Variants in ST6GALNAC1 observed in about 807,000 individuals in gnomAD.
The protein encoded by ST6GALNAC1 is ST6 N-acetylgalactosaminide alpha-2,6-sialyltransferase 1, also known as alpha-N-acetylgalactosaminide alpha-2,6-sialyltransferase 1.
Under a neutral mutation model 56.8 loss-of-function variants are expected in ST6GALNAC1, and 45 were observed. The observed-to-expected ratio is 0.79, with a 90% CI of 0.62 to 1.02. The LOEUF is 1.02. Ranked by LOEUF, ST6GALNAC1 falls within the 50% of genes least tolerant of loss-of-function variation. ST6GALNAC1 has a pLI of 0.00. For synonymous variants in ST6GALNAC1, 295 were observed against 297.8 expected (o/e 0.99, Z 0.10); for missense variants, 743 against 754.8 (o/e 0.98, Z 0.18).
chr17:76,626,951 C>T, intron 4 of ST6GALNAC1, 116 bp downstream of exon 4: 1 of 1,450,622 alleles, frequency 6.9e-7, no homozygotes, highest in Non-Finnish European at 9.3e-7. Context: ...GTGGAACATC[C>T]TATGGGTCTC....
Position 76,625,504 on chromosome 17 carries a change from A to T in ST6GALNAC1, c.1629T>A (p.Thr543=). The change falls in exon 9 of 9, where the codon ACT becomes ACA. Residue 543 remains threonine (T), a synonymous_variant. Coordinates refer to ENST00000156626, the MANE Select transcript of ST6GALNAC1 (RefSeq NM_018414.5). ...CDQVSAYGFI[T]EGHERFSDHY... is the part of the protein sequence containing the mutation. ...GATCAGAAAAGCGCTCATGGCCCTC[A>T]GTGATGAAGCCATAAGCACTCACCT... is the stretch of plus-strand genomic sequence containing the variant. The T allele has an allele frequency of 6.2e-7, 1 of 1,614,024 alleles. No homozygotes were observed. The highest frequency in any genetic ancestry group is 8.5e-7 in the Non-Finnish European group (1 of 1,180,018).
chr17:76,624,464 G>A (rs1476057787), downstream of ST6GALNAC1, among the ~76,000 whole-genome samples: 3 of 152,054 alleles, frequency 2.0e-5, 1 homozygote, highest in South Asian at 6.2e-4. Flanking sequence ...TGGCCAGGCT[G>A]GTCTAGATCT....
At chr17:76,639,463 C>T (rs1188590641) in intron 1 of ST6GALNAC1, among the ~76,000 whole-genome samples, 1 of 152,078 alleles carries the variant, frequency 6.6e-6, no homozygotes, top group Admixed American at 6.6e-5. Context: ...GTAGTCCCAG[C>T]TACTCTGGAG....
chr17:76,641,527 T>C (rs1047256443), intron 1 of ST6GALNAC1, among the ~76,000 whole-genome samples: 3 of 152,176 alleles, frequency 2.0e-5, no homozygotes, highest in Non-Finnish European at 4.4e-5. Flanking sequence ...ATCAGTGATC[T>C]GAGAAATGCA....
rs748531786 is a variant in ST6GALNAC1, at chr17:76,627,084, ACTGT to A, written c.1151_1154del (p.Asp384ValfsTer8). 6.4e-7 allele frequency: 1 copy of A among 1,558,664 alleles called. No homozygotes were observed. The highest frequency in any genetic ancestry group is 1.2e-5 in the South Asian group (1 of 81,266). Reference sequence around the variant, plus strand: ...CAGCTTACCGGAACACGTAGTCGTGACTGTCTATCTCCTGGCCCATGTGGGAGTT... The same window carrying A: ...CAGCTTACCGGAACACGTAGTCGTGACTATCTCCTGGCCCATGTGGGAGTT... On this transcript the variant is annotated frameshift_variant, in exon 4 of 9. Transcript: ENST00000156626. LOFTEE classifies it high-confidence loss of function. The surrounding 1 kb of genome is among the most constrained non-coding windows in gnomAD (Gnocchi z 4.4).
At chr17:76,622,712 G>C (rs1411167537), downstream of ST6GALNAC1, among the ~76,000 whole-genome samples, 1 of 151,830 alleles carries the variant, frequency 6.6e-6, no homozygotes, top group Non-Finnish European at 1.5e-5. Context: ...TATTGCCTTT[G>C]GATTGTGAGT....
the ST6GALNAC1 span, among the ~76,000 whole-genome samples, chr17:76,618,817 G>C: frequency 1.3e-5 from 2 of 151,616 alleles, no homozygotes; most frequent in Non-Finnish European, 2.9e-5. Flanking sequence ...GGTGGTGTGC[G>C]CCTGTAGTCC....
chr17:76,619,506 T>G, the ST6GALNAC1 span, among the ~76,000 whole-genome samples: 1 of 152,116 alleles, frequency 6.6e-6, no homozygotes, highest in Admixed American at 6.6e-5. Context: ...TAATTGTAAC[T>G]TTTTTTGACA....
chr17:76,630,201 G>A (rs1393658267), intron 1 of ST6GALNAC1, among the ~76,000 whole-genome samples: 1 of 152,236 alleles, frequency 6.6e-6, no homozygotes, highest in African/African-American at 2.4e-5. Flanking sequence ...AGTGTGCTGT[G>A]CAGGCACTGG....
rs1474375311 is a variant in ST6GALNAC1, at chr17:76,643,743, C to T, written c.-105G>A. On this transcript the variant is annotated 5_prime_UTR_variant, in exon 1 of 9. Transcript: ENST00000156626. ...GTTTCCTGGCCAGGAAGTGCACACC[C>T]TTTGTCTTAACAATGAGCCACTCCG... 8.3e-7 allele frequency: 1 copy of T among 1,204,916 alleles called. No homozygotes were observed. The highest frequency in any genetic ancestry group is 1.2e-6 in the Non-Finnish European group (1 of 852,594). The allele number at this position is 1,204,916 out of a possible 1,614,324, so 74.6% of individuals were successfully genotyped here. A position where few individuals can be genotyped will look rare whatever the true frequency, so the allele number is the denominator to read the frequency against.
chr17:76,640,047 G>T (rs539128378), intron 1 of ST6GALNAC1, among the ~76,000 whole-genome samples: 1 of 152,126 alleles, frequency 6.6e-6, no homozygotes, highest in South Asian at 2.1e-4. Flanking sequence ...GTTTCTCTGG[G>T]GAAGGGTTCT....
At position 76,629,508 on chromosome 17, in the gene ST6GALNAC1, T is replaced by A; in HGVS notation, c.335A>T (p.Gln112Leu). 1 of 1,614,138 alleles carries A rather than the reference T, an allele frequency of 6.2e-7. No homozygotes were observed. Among genetic ancestry groups the A allele is most frequent in the African/African-American group, 1.3e-5 (1 of 75,030 alleles). ...KEANQAPPEE[Q>L]DKVPHTAQRA... ...CTGTGCTGTGTGGGGCACCTTGTCC[T>A]GCTCCTCCGGCGGTGCCTGGTTGGC... is the stretch of plus-strand genomic sequence containing the variant. Residue 112 changes from glutamine (Q) to leucine (L), a missense_variant, in exon 2 of 9, where the codon CAG (glutamine) becomes CTG (leucine). Coordinates refer to ENST00000156626, the MANE Select transcript of ST6GALNAC1 (RefSeq NM_018414.5).
At chr17:76,636,475 A>G (rs1189439347) in intron 1 of ST6GALNAC1, among the ~76,000 whole-genome samples, 1 of 152,152 alleles carries the variant, frequency 6.6e-6, no homozygotes, top group Non-Finnish European at 1.5e-5. Flanking sequence ...AGGTCTAACA[A>G]GACCCCTGGA....
intron 1 of ST6GALNAC1, among the ~76,000 whole-genome samples, chr17:76,641,191 C>G (rs2076043503): frequency 6.6e-6 from 1 of 152,096 alleles, no homozygotes; most frequent in Admixed American, 6.6e-5. Context: ...TATGCTTCCC[C>G]CTGCACAGAT....
chr17:76,625,069 G>A lies in ST6GALNAC1; in HGVS notation c.*261C>T. On this transcript the variant is annotated 3_prime_UTR_variant, in exon 9 of 9. Transcript: ENST00000156626. ...GGAAGAGTGTTTTTCAGCAGGAATT[G>A]TGGTATTGGCCACCCATCACCCCAT... 1 of 492,358 alleles carries A rather than the reference G, an allele frequency of 2.0e-6. No homozygotes were observed. The highest frequency in any genetic ancestry group is 3.3e-5 in the East Asian group (1 of 30,440). 30.5% of individuals were successfully genotyped at this position (492,358 alleles called of 1,614,324 possible). A position where few individuals can be genotyped will look rare whatever the true frequency, so the allele number is the denominator to read the frequency against.
At chr17:76,618,641 C>T in the ST6GALNAC1 span, among the ~76,000 whole-genome samples, 12 of 151,990 alleles carry the variant, frequency 7.9e-5, no homozygotes, top group South Asian at 4.2e-4. Flanking sequence ...ATTAGCCGGG[C>T]GTGGTGGCAG....
chr17:76,632,959 A>G (rs1194794123), intron 1 of ST6GALNAC1, among the ~76,000 whole-genome samples: 2 of 152,220 alleles, frequency 1.3e-5, no homozygotes, highest in African/African-American at 4.8e-5. Context: ...TAGAGCCAGC[A>G]TTTTGGGAGG....
intron 1 of ST6GALNAC1, among the ~76,000 whole-genome samples, chr17:76,639,638 AACACACACACACACAC>A (rs55706272): frequency 0.28 from 34,851 of 125,156 alleles, 5,679 homozygotes; most frequent in Non-Finnish European, 0.38. Flanking sequence ...TTACATGATA[AACACACACACACACAC>A]ACACACACAC....
intron 1 of ST6GALNAC1, among the ~76,000 whole-genome samples, chr17:76,634,968 T>C (rs533030094): frequency 1.3e-5 from 2 of 152,378 alleles, no homozygotes; most frequent in East Asian, 3.9e-4. Context: ...ATGAATGCTT[T>C]ATTTTTACGA....
Sources: allele counts gnomAD v4.1 joint callset (sites outside exome capture counted in the v4.1 genomes callset), GRCh38; gene constraint gnomAD v4.1.1; non-coding constraint Gnocchi (gnomAD v3.1); transcripts MANE v1.5; gene names NCBI Gene and HGNC (gene_info 2026-07-23, HGNC 2026-07-21).